The following VPS41 variants were observed in gnomAD, a reference collection of about 807,000 sequenced individuals.
VPS41 encodes vacuolar protein sorting-associated protein 41 homolog.
VPS41 carries 85 observed loss-of-function variants against 130.9 expected under a neutral mutation model. That is an observed-to-expected ratio of 0.65 (90% CI 0.55 to 0.78). The LOEUF (loss-of-function observed/expected upper bound fraction) is 0.78. VPS41 is among the 30% of genes least tolerant of loss of function. VPS41 has a pLI of 0.00. For synonymous variants in VPS41, 335 were observed against 332.9 expected (o/e 1.01, Z -0.07); for missense variants, 874 against 1,018.7 (o/e 0.86, Z 1.93).
chr7:38,727,681 G>C (rs1228315306), intron 27 of VPS41, among the ~76,000 whole-genome samples: 2 of 152,162 alleles, frequency 1.3e-5, no homozygotes, highest in Non-Finnish European at 2.9e-5. Flanking sequence ...CTCTAGAAAA[G>C]AACCTAAGTA....
chr7:38,858,050 T>G (rs901993719), intron 4 of VPS41, among the ~76,000 whole-genome samples: 1 of 152,190 alleles, frequency 6.6e-6, no homozygotes, highest in Non-Finnish European at 1.5e-5. Context: ...AGGTTCTTAC[T>G]ATGTAGAAGA....
intron 7 of VPS41, 52 bp downstream of exon 7, chr7:38,817,763 AGC>A: frequency 2.2e-6 from 3 of 1,391,568 alleles, no homozygotes; most frequent in Non-Finnish European, 2.0e-6. Flanking sequence ...TTACAGAGTA[AGC>A]ACACAACACC....
chr7:38,895,651 G>C (rs1335668209), intron 2 of VPS41, among the ~76,000 whole-genome samples: 1 of 152,132 alleles, frequency 6.6e-6, no homozygotes, highest in African/African-American at 2.4e-5. Context: ...GAGTAGGTAA[G>C]TCTCCTGATC....
At chr7:38,839,638 C>G (rs1049919353) in intron 4 of VPS41, among the ~76,000 whole-genome samples, 9 of 152,024 alleles carry the variant, frequency 5.9e-5, no homozygotes, top group African/African-American at 2.2e-4. Flanking sequence ...ACCATGTTAG[C>G]CAGGCTGGTC....
chr7:38,885,059 G>A (rs778962086), intron 2 of VPS41, among the ~76,000 whole-genome samples: 19 of 152,036 alleles, frequency 1.2e-4, no homozygotes, highest in African/African-American at 2.2e-4. Flanking sequence ...TATTCAGAGC[G>A]CAGGATTTTA....
chr7:38,736,877 G>T (rs1056023363), intron 25 of VPS41, among the ~76,000 whole-genome samples: 7 of 152,134 alleles, frequency 4.6e-5, no homozygotes, highest in Admixed American at 3.3e-4. Context: ...ATAGGGAGTG[G>T]CAAATCTCAT....
At chr7:38,856,618 G>T (rs970193097) in intron 4 of VPS41, among the ~76,000 whole-genome samples, 2 of 152,128 alleles carry the variant, frequency 1.3e-5, no homozygotes, top group African/African-American at 4.8e-5. Context: ...AAGAGAAAGG[G>T]TGGGGAAGAG....
intron 4 of VPS41, among the ~76,000 whole-genome samples, chr7:38,839,720 T>G (rs1186372673): frequency 6.6e-6 from 1 of 152,106 alleles, no homozygotes; most frequent in Non-Finnish European, 1.5e-5. Flanking sequence ...TGTGAGCCAC[T>G]GTACAGGTGT....
intron 4 of VPS41, among the ~76,000 whole-genome samples, chr7:38,848,754 C>T (rs1785781755): frequency 6.6e-6 from 1 of 152,166 alleles, no homozygotes; most frequent in African/African-American, 2.4e-5. Flanking sequence ...GCCTGGCCTG[C>T]GTGCAGTGCT....
chr7:38,828,041 G>A (rs1394820493), intron 5 of VPS41, among the ~76,000 whole-genome samples: 1 of 152,014 alleles, frequency 6.6e-6, no homozygotes, highest in Non-Finnish European at 1.5e-5. Context: ...AAAGTAGGCT[G>A]GTTTCAGACA....
chr7:38,823,476 T>C (rs138687948), intron 5 of VPS41, among the ~76,000 whole-genome samples: 4 of 152,304 alleles, frequency 2.6e-5, no homozygotes, highest in South Asian at 2.1e-4. Flanking sequence ...TGGACTAAGA[T>C]AGTTTCTTTG....
intron 1 of VPS41, among the ~76,000 whole-genome samples, chr7:38,905,219 C>T (rs1787233601): frequency 6.6e-6 from 1 of 152,094 alleles, no homozygotes; most frequent in African/African-American, 2.4e-5. Flanking sequence ...GAGGACTCAG[C>T]AATCTCTAGG....
At chr7:38,771,862 G>A (rs1004901276) in intron 13 of VPS41, among the ~76,000 whole-genome samples, 2 of 151,862 alleles carry the variant, frequency 1.3e-5, no homozygotes, top group Admixed American at 6.6e-5. Context: ...ACTAGGTATC[G>A]ATACCTGGAC....
chr7:38,878,642 T>C (rs1387410512), intron 2 of VPS41, among the ~76,000 whole-genome samples: 1 of 152,238 alleles, frequency 6.6e-6, no homozygotes, highest in Non-Finnish European at 1.5e-5. Context: ...TTAGGAAATC[T>C]GACGTCATTT....
At position 38,723,025 on chromosome 7, in the gene VPS41, G is replaced by A. The variant is rs1351031322; in HGVS notation, c.*3221C>T. ...ATGCTATATTCTTATAATAAAGCAA[G>A]CTAAAGAAAATAGTAAGAAAATCAT... On this transcript the variant is annotated 3_prime_UTR_variant, in exon 29 of 29. Transcript: ENST00000310301. 1 of 152,036 alleles carries A rather than the reference G, an allele frequency of 6.6e-6. No individual in the cohort carries two copies. Among genetic ancestry groups the A allele is most frequent in the Non-Finnish European group, 1.5e-5 (1 of 68,002 alleles). 9.4% of individuals were successfully genotyped at this position (152,036 alleles called of 1,614,324 possible). A position where few individuals can be genotyped will look rare whatever the true frequency, so the allele number is the denominator to read the frequency against.
intron 10 of VPS41, among the ~76,000 whole-genome samples, chr7:38,783,293 T>C (rs1784385372): frequency 6.6e-6 from 1 of 151,772 alleles, no homozygotes; most frequent in Admixed American, 6.6e-5. Context: ...TCCCAGCACT[T>C]TGGGAGGCCA....
rs749448834 is a variant in VPS41 at position 38,795,460 on chromosome 7, A to AGTCCC, written c.717+4_717+5insGGGAC. 1.2e-6 allele frequency: 2 copies of AGTCCC among 1,609,188 alleles called. No homozygotes were observed. Among genetic ancestry groups the AGTCCC allele is most frequent in the Non-Finnish European group, 1.7e-6 (2 of 1,177,496 alleles). ...CGGACTTATTATAAAGACAAGCAAA[A>AGTCCC]CCACCTTGACAGAAGTCCCCCAGCC... On this transcript the variant is annotated splice_donor_region_variant and intron_variant, in intron 9 of 28. Transcript: ENST00000310301.
intron 7 of VPS41, among the ~76,000 whole-genome samples, chr7:38,802,251 C>T (rs890045415): frequency 6.6e-6 from 1 of 152,164 alleles, no homozygotes; most frequent in Non-Finnish European, 1.5e-5. Flanking sequence ...TGCAGGCCTG[C>T]AGAAGGCTCT....
rs2072248 is a variant in VPS41, at chr7:38,817,764, G to A, written c.450+53C>T. 804,503 of 1,404,052 alleles carry A rather than the reference G, an allele frequency of 0.57. 237,828 individuals are homozygous for A. The highest frequency in any genetic ancestry group is 0.91 in the East Asian group (40,029 of 43,900). The allele number at this position is 1,404,052 out of a possible 1,614,324, so 87.0% of individuals were successfully genotyped here. On this transcript the variant is annotated intron_variant, in intron 7 of 28. Transcript: ENST00000310301. ...ACATTAAGGATAAATTACAGAGTAA[G>A]CACACAACACCCCTCAAGGCTACAT...
Sources: allele counts gnomAD v4.1 joint callset (sites outside exome capture counted in the v4.1 genomes callset), GRCh38; gene constraint gnomAD v4.1.1; transcripts MANE v1.5; gene names NCBI Gene and HGNC (gene_info 2026-07-23, HGNC 2026-07-21).